Variants in KDM6B observed in about 807,000 individuals in gnomAD.
KDM6B encodes lysine-specific demethylase 6B.
A neutral mutation model predicts 150.4 loss-of-function variants in KDM6B; 22 were observed. The ratio of observed to expected loss-of-function variants is 0.15; its 90% CI spans 0.10 to 0.21. KDM6B has a LOEUF of 0.21. KDM6B is among the 10% of genes least tolerant of loss of function. KDM6B has a pLI of 1.00. For synonymous variants in KDM6B, 1,148 were observed against 921.1 expected, an observed-to-expected ratio of 1.25 and a Z score of -4.46; for missense variants, 1,984 against 2,234.3, an observed-to-expected ratio of 0.89 and a Z score of 2.26.
rs898090763 is a variant in KDM6B, at chr17:7,846,604, G to C, written c.575G>C (p.Arg192Pro). Residue 192 changes from arginine (R) to proline (P), a missense_variant, in exon 9 of 24, where the codon CGG (arginine) becomes CCG (proline). By Grantham distance (103) the Arg-to-Pro change is moderately radical. This residue lies in a region of KDM6B where 337 missense variants were observed against 323.9 expected (regional missense o/e 1.04). Transcript: ENST00000448097. Reference sequence around the variant, plus strand: ...CACAAACGGAACTATGGAGCCAAGCGGGGAGGTCCCCCGGTGAAGCGAGCT... The same window carrying C: ...CACAAACGGAACTATGGAGCCAAGCCGGGAGGTCCCCCGGTGAAGCGAGCT... Reference protein sequence around the residue: ...LEHKRNYGAKRGGPPVKRAAE... With the variant: ...LEHKRNYGAKPGGPPVKRAAE... The C allele has an allele frequency of 2.5e-6, 4 of 1,614,094 alleles. No homozygotes were observed. The highest frequency in any genetic ancestry group is 3.4e-6 in the Non-Finnish European group (4 of 1,179,998).
Position 7,845,949 on chromosome 17 carries a change from G to T in KDM6B, c.215G>T (p.Ser72Ile). The T allele has an allele frequency of 6.2e-7, 1 of 1,613,956 alleles. No individual in the cohort carries two copies. The highest frequency in any genetic ancestry group is 1.3e-5 in the African/African-American group (1 of 75,026). Residue 72 changes from serine (S) to isoleucine (I), a missense_variant, in exon 6 of 24, where the codon AGC (serine) becomes ATC (isoleucine). Ser to Ile is a moderately radical substitution (Grantham distance 142). This residue lies in a region of KDM6B where 337 missense variants were observed against 323.9 expected (regional missense o/e 1.04). Transcript: ENST00000448097. ...CATGGCAGTAGTTCTGGGCACCCCA[G>T]CAAACCATATTATGCTCCAGGGTGA... ...PSHGSSSGHPSKPYYAPGAPT... is the reference protein window; with the variant it reads ...PSHGSSSGHPIKPYYAPGAPT...
At chr17:7,834,832 C>T (rs1419079170) in intron 1 of KDM6B, among the ~76,000 whole-genome samples, 3 of 152,174 alleles carry the variant, frequency 2.0e-5, no homozygotes, top group Non-Finnish European at 2.9e-5. Flanking sequence ...TTCCCACCAG[C>T]GGCCCCGAGA....
chr17:7,848,313 C>T lies in KDM6B; in HGVS notation c.2025C>T (p.Pro675=), dbSNP rs765298015. 6.2e-7 allele frequency: 1 copy of T among 1,612,792 alleles called. No individual in the cohort carries two copies. ...ARGPRLFDFP[P]TPLEDQFEEP... The stretch of plus-strand genomic sequence containing the variant: ...GCCCTCGACTCTTTGATTTTCCCCC[C>T]ACTCCGCTGGAGGACCAGTTTGAGG... Residue 675 remains proline (P), a synonymous_variant, in exon 12 of 24, where the codon CCC becomes CCT. Coordinates refer to ENST00000448097, the MANE Select transcript of KDM6B (RefSeq NM_001348716.2).
rs896246955 is a variant in KDM6B at position 7,848,929 on chromosome 17, G to A, written c.2641G>A (p.Glu881Lys). ...FSTSGGPWAR[E>K]RRAGEEPVPG... is the part of the protein sequence containing the mutation. ...TACCTCAGGCGGGCCCTGGGCCCGG[G>A]AGCGCAGGGCGGGCGAAGAGCCAGT... Residue 881 changes from glutamate (E) to lysine (K), a missense_variant, in exon 12 of 24, where the codon GAG (glutamate) becomes AAG (lysine). Physicochemically the swap from Glu to Lys is moderately conservative, Grantham distance 56. Around this residue, in one of 13 missense-constraint regions of KDM6B, gnomAD observed 1,379 missense variants for 1,275.6 expected, o/e 1.08. Transcript: ENST00000448097. 2 of 1,599,756 alleles carry A rather than the reference G, an allele frequency of 1.3e-6. No homozygotes were observed. Among genetic ancestry groups the A allele is most frequent in the Admixed American group, 1.7e-5 (1 of 59,392 alleles).
Position 7,853,195 on chromosome 17 carries a change from T to C in KDM6B, c.4738-15T>C. 2 of 1,613,490 alleles carry C rather than the reference T, an allele frequency of 1.2e-6. No homozygotes were observed. Among genetic ancestry groups the C allele is most frequent in the East Asian group, 4.5e-5 (2 of 44,886 alleles). On this transcript the variant is annotated splice_polypyrimidine_tract_variant and intron_variant, in intron 22 of 23. Transcript: ENST00000448097. ...GCCCTCCCTCCCCCTGACTGCACTG[T>C]CCTCCCTGCCCCAGGTGGAGGTGTT...
intron 2 of KDM6B, among the ~76,000 whole-genome samples, chr17:7,842,049 C>T (rs1173788548): frequency 1.3e-5 from 2 of 152,382 alleles, no homozygotes; most frequent in South Asian, 4.1e-4. Context: ...AGGTAAAACC[C>T]TATCTGCGGG....
chr17:7,839,061 C>T (rs1009510369), intron 1 of KDM6B, among the ~76,000 whole-genome samples: 7 of 152,050 alleles, frequency 4.6e-5, no homozygotes, highest in Non-Finnish European at 8.8e-5. Context: ...TGTTTGGGTC[C>T]ATAAGGGCAG....
rs761727659 is a variant in KDM6B, at chr17:7,849,721, G to A, written c.3433G>A (p.Ala1145Thr). 8.7e-6 allele frequency: 14 copies of A among 1,611,734 alleles called. No individual in the cohort carries two copies. The highest frequency in any genetic ancestry group is 2.2e-5 in the East Asian group (1 of 44,878). Residue 1145 changes from alanine (A) to threonine (T), a missense_variant, in exon 12 of 24, where the codon GCC (alanine) becomes ACC (threonine). This residue lies in a region of KDM6B where 1,379 missense variants were observed against 1,275.6 expected (regional missense o/e 1.08). Coordinates refer to ENST00000448097, the MANE Select transcript of KDM6B (RefSeq NM_001348716.2). ...ISHCAADVVR[A>T]SRNAKVKGKF... Reference sequence around the variant, plus strand: ...CCACTGTGCTGCTGACGTCGTGCGCGCCAGCAGGTGAGTCGGCTGCCTGCT... The same window carrying A: ...CCACTGTGCTGCTGACGTCGTGCGCACCAGCAGGTGAGTCGGCTGCCTGCT...
chr17:7,852,108 C>A, intron 19 of KDM6B, 41 bp from the exon 20 acceptor site: 1 of 1,613,850 alleles, frequency 6.2e-7, no homozygotes, highest in Non-Finnish European at 8.5e-7. Flanking sequence ...CGTCCCCGCC[C>A]TCGGTCCCCA....
chr17:7,846,532 C>G (rs1260666760), intron 8 of KDM6B, 40 bp downstream of exon 8: 4 of 1,613,952 alleles, frequency 2.5e-6, no homozygotes, highest in African/African-American at 1.3e-5. Flanking sequence ...GAGAGCCAGG[C>G]TGTGCCTGCA....
Position 7,853,581 on chromosome 17 carries a change from G to A in KDM6B, c.*60G>A. 2.3e-6 allele frequency: 3 copies of A among 1,299,032 alleles called. No individual in the cohort carries two copies. Among genetic ancestry groups the A allele is most frequent in the South Asian group, 1.7e-5 (1 of 58,552 alleles). The allele number at this position is 1,299,032 out of a possible 1,614,324, so 80.5% of individuals were successfully genotyped here. A position where few individuals can be genotyped will look rare whatever the true frequency, so the allele number is the denominator to read the frequency against. On this transcript the variant is annotated 3_prime_UTR_variant, in exon 24 of 24. Coordinates refer to ENST00000448097, the MANE Select transcript of KDM6B (RefSeq NM_001348716.2). ...AGGCGCCGCGGGGCCACCAGCACAT[G>A]CCTGGGCTGGACCTAGGTCCCGCCT...
At position 7,849,609 on chromosome 17, in the gene KDM6B, C is replaced by T. The variant is rs1254380705; in HGVS notation, c.3321C>T (p.Leu1107=). 49 of 1,612,242 alleles carry T rather than the reference C, an allele frequency of 3.0e-5. No homozygotes were observed. Among genetic ancestry groups the T allele is most frequent in the East Asian group, 4.5e-5 (2 of 44,888 alleles). Residue 1107 remains leucine, a synonymous_variant, in exon 12 of 24, where the codon CTC becomes CTT. Coordinates refer to ENST00000448097, the MANE Select transcript of KDM6B (RefSeq NM_001348716.2). ...CCCCCAAGGAGCTGAAGATCCGGCT[C>T]ATCAAGGTAGAGAGTGGTGACAAGG... ...EGPPKELKIR[L]IKVESGDKET...
In KDM6B at chr17:7,847,006, C is replaced by G; in HGVS notation, c.899C>G (p.Pro300Arg). Reference protein sequence around the residue: ...WGPERKGSAPPERQEQRHSLP... With the variant: ...WGPERKGSAPRERQEQRHSLP... The stretch of plus-strand genomic sequence containing the variant: ...CCAGAGCGCAAGGGTTCAGCACCCC[C>G]AGAGCGCCAGGTGAGCCCCTGCCTG... Residue 300 changes from proline (P) to arginine (R), a missense_variant, in exon 10 of 24, where the codon CCA (proline) becomes CGA (arginine). Physicochemically the swap from Pro to Arg is moderately radical, Grantham distance 103. Coordinates refer to ENST00000448097, the MANE Select transcript of KDM6B (RefSeq NM_001348716.2). 1 of 1,613,660 alleles carries G rather than the reference C, an allele frequency of 6.2e-7. No individual in the cohort carries two copies. The highest frequency in any genetic ancestry group is 8.5e-7 in the Non-Finnish European group (1 of 1,179,936).
intron 1 of KDM6B, among the ~76,000 whole-genome samples, 192 bp from the exon 2 acceptor site, chr17:7,839,714 C>T (rs192774647): frequency 3.7e-4 from 57 of 152,220 alleles, no homozygotes; most frequent in Non-Finnish European, 7.5e-4. Flanking sequence ...ACCAACTGAT[C>T]GAGCCTGCTT....
rs1330696668 is a variant in KDM6B, at chr17:7,846,058, C to A, written c.237-20C>A. The A allele has an allele frequency of 1.6e-5, 25 of 1,540,030 alleles. No homozygotes were observed. Among genetic ancestry groups the A allele is most frequent in the East Asian group, 4.7e-5 (2 of 42,832 alleles). On this transcript the variant is annotated intron_variant, in intron 6 of 23. Coordinates refer to ENST00000448097, the MANE Select transcript of KDM6B (RefSeq NM_001348716.2). ...TCAAGCCCAACCCCCACCCACACCC[C>A]CACCCCTTCTGCTCTGTAGGGCGCC...
rs2078562221 is a variant in KDM6B, at chr17:7,847,016, G to C, written c.909G>C (p.Gln303His). The C allele has an allele frequency of 6.2e-7, 1 of 1,613,506 alleles. No individual in the cohort carries two copies. Among genetic ancestry groups the C allele is most frequent in the Non-Finnish European group, 8.5e-7 (1 of 1,179,900 alleles). ...ERKGSAPPER[Q>H]EQRHSLPHPY... Reference sequence around the variant, plus strand: ...AGGGTTCAGCACCCCCAGAGCGCCAGGTGAGCCCCTGCCTGTTGCCTTTCA... The same window carrying C: ...AGGGTTCAGCACCCCCAGAGCGCCACGTGAGCCCCTGCCTGTTGCCTTTCA... Residue 303 changes from glutamine to histidine, a missense_variant and splice_region_variant, in exon 10 of 24, where the codon CAG becomes CAC. Physicochemically the swap from Gln to His is conservative, Grantham distance 24. Around this residue, in one of 13 missense-constraint regions of KDM6B, gnomAD observed 1,379 missense variants for 1,275.6 expected, o/e 1.08. Coordinates refer to ENST00000448097, the MANE Select transcript of KDM6B (RefSeq NM_001348716.2).
rs779781827 is a variant in KDM6B at position 7,848,940 on chromosome 17, G to A, written c.2652G>A (p.Ala884=). 5.6e-4 allele frequency: 896 copies of A among 1,596,066 alleles called. 3 individuals are homozygous for A. The highest frequency in any genetic ancestry group is 1.0e-3 in the Middle Eastern group (6 of 5,810). Residue 884 remains alanine, a synonymous_variant, in exon 12 of 24, where the codon GCG becomes GCA. Transcript: ENST00000448097. ...GGCCCTGGGCCCGGGAGCGCAGGGC[G>A]GGCGAAGAGCCAGTCCCGGGCCCCA... The part of the protein sequence containing the change: ...SGGPWARERR[A]GEEPVPGPMT...
intron 14 of KDM6B, among the ~76,000 whole-genome samples, chr17:7,850,693 G>GA (rs111334135): frequency 0.89 from 134,983 of 152,220 alleles, 59,912 homozygotes; most frequent in East Asian, 0.98. Context: ...TCCAAATGGG[G>GA]AAAAAAGAAG....
intron 12 of KDM6B, 37 bp downstream of exon 12, chr17:7,849,765 G>A: frequency 6.2e-7 from 1 of 1,612,734 alleles, no homozygotes. Flanking sequence ...CCGGAGACAG[G>A]CTCCCTTCCC....
Sources: allele counts gnomAD v4.1 joint callset (sites outside exome capture counted in the v4.1 genomes callset), GRCh38; gene constraint gnomAD v4.1.1; regional missense constraint gnomAD v4.1.1; transcripts MANE v1.5; gene names NCBI Gene and HGNC (gene_info 2026-07-23, HGNC 2026-07-21).